The following IGFBP6 variants were observed in gnomAD, a reference collection of about 807,000 sequenced individuals.
The protein encoded by IGFBP6 is insulin like growth factor binding protein 6, also known as insulin-like growth factor-binding protein 6.
IGFBP6 carries 24 observed loss-of-function variants against 24.5 expected under a neutral mutation model. The observed-to-expected ratio is 0.98, with a 90% CI of 0.71 to 1.38. The LOEUF (loss-of-function observed/expected upper bound fraction) is 1.38, where lower values mean the gene tolerates loss of function less well. Ranked by LOEUF, IGFBP6 falls within the 40% of genes most tolerant of loss-of-function variation. The probability of loss-of-function intolerance (pLI) is 0.00; values close to 1 mark genes in which losing one functional copy is unlikely to be tolerated. For missense variants in IGFBP6, 331 were observed against 324.8 expected (o/e 1.02, Z -0.15); for synonymous variants, 147 against 137.4 (o/e 1.07, Z -0.49).
rs9658617 is a variant in IGFBP6, at chr12:53,100,836, G to A, written c.459G>A (p.Ala153=). Residue 153 remains alanine, a synonymous_variant, in exon 2 of 4, where the codon GCG becomes GCA. Coordinates refer to ENST00000301464, the MANE Select transcript of IGFBP6 (RefSeq NM_002178.3). The part of the protein sequence containing the change: ...TSTTPSQPNS[A]GVQDTEMGPC... ...CCACGCCCTCCCAGCCCAATTCTGC[G>A]GGTGTCCAAGACACTGAGATGGTGC... 4,661 of 1,614,170 alleles carry A rather than the reference G, an allele frequency of 2.9e-3. 105 individuals carry two copies. In the African/African-American group the frequency reaches 0.052, roughly 18 times the overall value.
At chr12:53,098,423 G>A (rs182717215) in intron 1 of IGFBP6, among the ~76,000 whole-genome samples, 423 of 152,312 alleles carry the variant, frequency 2.8e-3, no homozygotes, top group Non-Finnish European at 4.8e-3. Flanking sequence ...GCCAAGCTGG[G>A]GAAAGGACCC....
Position 53,097,867 on chromosome 12 carries a change from G to A in IGFBP6, c.150G>A (p.Gly50=), listed in dbSNP as rs1416411206. ...GGGGCTGCGTGGAGGAGGAGGATGG[G>A]GGGTCGCCAGCCGAGGGCTGCGCGG... ...CPGGCVEEED[G]GSPAEGCAEA... is the part of the protein sequence containing the mutation. Residue 50 remains glycine (G), a synonymous_variant, in exon 1 of 4, where the codon GGG becomes GGA. Coordinates refer to ENST00000301464, the MANE Select transcript of IGFBP6 (RefSeq NM_002178.3). 6.6e-7 allele frequency: 1 copy of A among 1,519,460 alleles called. No individual in the cohort carries two copies. The highest frequency in any genetic ancestry group is 2.1e-5 in the Admixed American group (1 of 48,704). 94.1% of individuals were successfully genotyped at this position (1,519,460 alleles called of 1,614,324 possible).
At chr12:53,098,112 C>T in intron 1 of IGFBP6, 61 bp downstream of exon 1, 1 of 1,376,146 alleles carries the variant, frequency 7.3e-7, no homozygotes, top group Non-Finnish European at 9.3e-7. Context: ...AGGCAGGGTC[C>T]TGGGGAGACG....
Position 53,099,939 on chromosome 12 carries a change from A to C in IGFBP6, c.335-773A>C, listed in dbSNP as rs535980534. ...TACAGTGGTCCAGCGTCTCACTGCAACCTCCGCCCCCCCGAGTTCAAGCGA... is the reference window on the plus strand; with the variant it reads ...TACAGTGGTCCAGCGTCTCACTGCACCCTCCGCCCCCCCGAGTTCAAGCGA... On this transcript the variant is annotated intron_variant, in intron 1 of 3. Coordinates refer to ENST00000301464, the MANE Select transcript of IGFBP6 (RefSeq NM_002178.3). Among the ~76,000 whole-genome samples, 201 of 149,408 alleles carry C rather than the reference A, an allele frequency of 1.3e-3. 2 individuals carry two copies. Among genetic ancestry groups the C allele is most frequent in the African/African-American group, 4.8e-3 (198 of 41,120 alleles).
At chr12:53,100,544 A>G (rs977834948) in intron 1 of IGFBP6, among the ~76,000 whole-genome samples, 168 bp from the exon 2 acceptor site, 16 of 152,274 alleles carry the variant, frequency 1.1e-4, no homozygotes, top group African/African-American at 3.9e-4. Flanking sequence ...GAATATTGTC[A>G]GGAAAAGTAA....
intron 1 of IGFBP6, 83 bp downstream of exon 1, chr12:53,098,134 C>T: frequency 2.2e-6 from 3 of 1,345,180 alleles, no homozygotes; most frequent in South Asian, 1.8e-5. Context: ...GAGTGGGTGG[C>T]CCGGCAAGCC....
chr12:53,097,721 A>G lies in IGFBP6; in HGVS notation c.4A>G (p.Thr2Ala), dbSNP rs1565623008. 6.5e-7 allele frequency: 1 copy of G among 1,543,910 alleles called. No individual in the cohort carries two copies. Among genetic ancestry groups the G allele is most frequent in the Non-Finnish European group, 8.7e-7 (1 of 1,146,254 alleles). The stretch of plus-strand genomic sequence containing the variant: ...GGACGGGGCACAAACCCTGACCATG[A>G]CCCCCCACAGGCTGCTGCCACCGCT... Reference protein sequence around the residue: MTPHRLLPPLLL... With the variant: MAPHRLLPPLLL... Residue 2 changes from threonine to alanine, a missense_variant, in exon 1 of 4, where the codon ACC becomes GCC. Coordinates refer to ENST00000301464, the MANE Select transcript of IGFBP6 (RefSeq NM_002178.3).
chr12:53,101,977 A>T, intron 3 of IGFBP6, 68 bp from the exon 4 acceptor site: 2 of 1,473,038 alleles, frequency 1.4e-6, no homozygotes, highest in Non-Finnish European at 1.8e-6. Context: ...TCAGACTCAG[A>T]TGTCCCCTCT....
rs1220670054 is a variant in IGFBP6 at position 53,102,244 on chromosome 12, T to C, written c.*77T>C. 5.7e-5 allele frequency: 88 copies of C among 1,542,936 alleles called. No homozygotes were observed. The highest frequency in any genetic ancestry group is 7.1e-5 in the Non-Finnish European group (80 of 1,134,066). ...ATCACTCAACAAAAAACCGAGGCCC[T>C]CAATCCACCTTCAGGCCCCGCCCCA... On this transcript the variant is annotated 3_prime_UTR_variant, in exon 4 of 4. Transcript: ENST00000301464.
In IGFBP6 at chr12:53,100,778, G is replaced by T. The variant is rs34995393; in HGVS notation, c.401G>T (p.Arg134Leu). The T allele has an allele frequency of 1.4e-5, 22 of 1,614,022 alleles. No individual in the cohort carries two copies. In the East Asian group the frequency reaches 3.3e-4, roughly 25 times the overall value. Residue 134 changes from arginine to leucine, a missense_variant, in exon 2 of 4, where the codon CGC (arginine) becomes CTC (leucine). Physicochemically the swap from Arg to Leu is moderately radical, Grantham distance 102 (BLOSUM62 -2). Transcript: ENST00000301464. ...AGTARPQDVN[R>L]RDQQRNPGTS... The stretch of plus-strand genomic sequence containing the variant: ...ACTGCCCGCCCACAGGATGTGAACC[G>T]CAGAGACCAACAGAGGAATCCAGGC...
intron 1 of IGFBP6, chr12:53,099,255 AC>A: frequency 2.2e-6 from 1 of 449,320 alleles, no homozygotes; most frequent in Non-Finnish European, 4.5e-6. Context: ...TTATTTCCTC[AC>A]CCCTTCCCAG....
intron 1 of IGFBP6, among the ~76,000 whole-genome samples, chr12:53,100,283 T>G (rs1937806306): frequency 6.6e-6 from 1 of 152,166 alleles, no homozygotes; most frequent in Admixed American, 6.5e-5. Context: ...CCTCAGCCTC[T>G]CAAGTAGCTG....
intron 1 of IGFBP6, among the ~76,000 whole-genome samples, chr12:53,099,860 A>T (rs1232662080): frequency 6.6e-6 from 1 of 151,782 alleles, no homozygotes; most frequent in East Asian, 1.9e-4. Context: ...AATTAATTTT[A>T]AAAAGTATTT....
Position 53,098,062 on chromosome 12 carries a change from G to A in IGFBP6, c.334+11G>A. 2.1e-6 allele frequency: 3 copies of A among 1,425,364 alleles called. No individual in the cohort carries two copies. The highest frequency in any genetic ancestry group is 2.7e-6 in the Non-Finnish European group (3 of 1,100,414). 88.3% of individuals were successfully genotyped at this position (1,425,364 alleles called of 1,614,324 possible). A position where few individuals can be genotyped will look rare whatever the true frequency, so the allele number is the denominator to read the frequency against. On this transcript the variant is annotated intron_variant, in intron 1 of 3. Transcript: ENST00000301464. Reference sequence around the variant, plus strand: ...CCCGCGCGCCTGCTGGTGAGTCCGCGCCCCGCCCCTGCCCCGCCCACGTGA... The same window carrying A: ...CCCGCGCGCCTGCTGGTGAGTCCGCACCCCGCCCCTGCCCCGCCCACGTGA...
In IGFBP6 at chr12:53,097,942, C is replaced by G; in HGVS notation, c.225C>G (p.Thr75=). ...RREGQECGVY[T]PNCAPGLQCH... is the part of the protein sequence containing the mutation. ...AGGGGCAGGAGTGCGGGGTCTACAC[C>G]CCTAACTGCGCCCCAGGACTGCAGT... Residue 75 remains threonine, a synonymous_variant, in exon 1 of 4, where the codon ACC becomes ACG. Transcript: ENST00000301464. The G allele has an allele frequency of 6.6e-7, 1 of 1,512,628 alleles. No individual in the cohort carries two copies. Among genetic ancestry groups the G allele is most frequent in the South Asian group, 1.2e-5 (1 of 80,138 alleles). 93.7% of individuals were successfully genotyped at this position (1,512,628 alleles called of 1,614,324 possible).
chr12:53,098,465 A>G (rs1440201401), intron 1 of IGFBP6, among the ~76,000 whole-genome samples: 1 of 152,126 alleles, frequency 6.6e-6, no homozygotes, highest in Non-Finnish European at 1.5e-5. Flanking sequence ...CTTGGAGAAA[A>G]GGGGAGGGGA....
At chr12:53,101,898 CAAAAA>C (rs57771658) in intron 3 of IGFBP6, 142 bp from the exon 4 acceptor site, 932 of 198,614 alleles carry the variant, frequency 4.7e-3, no homozygotes, top group African/African-American at 7.3e-3. Context: ...GACTCCATCT[CAAAAA>C]AAAAAAAAAA....
intron 3 of IGFBP6, 130 bp downstream of exon 3, chr12:53,101,290 C>G: frequency 1.1e-6 from 1 of 904,578 alleles, no homozygotes; most frequent in Non-Finnish European, 1.7e-6. Context: ...TTTAGGAGAA[C>G]ATAGAGAATA....
Position 53,101,877 on chromosome 12 carries a change from C to A in IGFBP6, c.601-168C>A, listed in dbSNP as rs1441786818. ...TCATGCCAATGCATTCCAGCCAGGGCGACAGAGCGAGACTCCATCTCAAAA... is the reference window on the plus strand; with the variant it reads ...TCATGCCAATGCATTCCAGCCAGGGAGACAGAGCGAGACTCCATCTCAAAA... On this transcript the variant is annotated intron_variant, in intron 3 of 3. Coordinates refer to ENST00000301464, the MANE Select transcript of IGFBP6 (RefSeq NM_002178.3). Among the ~76,000 whole-genome samples the A allele has an allele frequency of 4.9e-5, 6 of 121,498 alleles. No homozygotes were observed. The East Asian group carries it at 1.6e-3, about 32-fold the overall frequency. 79.7% of individuals were successfully genotyped at this position (121,498 alleles called of 152,430 possible). A position where few individuals can be genotyped will look rare whatever the true frequency, so the allele number is the denominator to read the frequency against.
Sources: allele counts gnomAD v4.1 joint callset (sites outside exome capture counted in the v4.1 genomes callset), GRCh38; gene constraint gnomAD v4.1.1; transcripts MANE v1.5; gene names NCBI Gene and HGNC (gene_info 2026-07-23, HGNC 2026-07-21).